ARL15: variants seen among roughly 807,000 people sequenced by gnomAD.
ARL15 encodes ADP-ribosylation factor-like protein 15.
ARL15 carries 19 observed loss-of-function variants against 25.2 expected under a neutral mutation model. The ratio of observed to expected loss-of-function variants is 0.75; its 90% CI spans 0.53 to 1.10. The LOEUF is 1.10. Ranked by LOEUF, ARL15 falls within the 50% of genes least tolerant of loss-of-function variation. The pLI is 0.00. For missense variants in ARL15, 220 were observed against 246.0 expected, an observed-to-expected ratio of 0.89 and a Z score of 0.71; for synonymous variants, 94 against 86.8, an observed-to-expected ratio of 1.08 and a Z score of -0.46.
chr5:54,023,533 G>GA (rs35518622), intron 4 of ARL15, among the ~76,000 whole-genome samples: 16 of 147,486 alleles, frequency 1.1e-4, no homozygotes, highest in African/African-American at 3.0e-4. Context: ...CTACACATGT[G>GA]AAAAAAAAAA....
At chr5:54,156,565 T>A (rs1754239790) in intron 2 of ARL15, among the ~76,000 whole-genome samples, 1 of 152,238 alleles carries the variant, frequency 6.6e-6, no homozygotes, top group Non-Finnish European at 1.5e-5. Context: ...GGTGCTCACT[T>A]ATTAATCTAA....
intron 1 of ARL15, among the ~76,000 whole-genome samples, chr5:54,221,824 T>C (rs1579924873): frequency 1.3e-5 from 1 of 74,682 alleles, no homozygotes; most frequent in South Asian, 3.9e-4. Flanking sequence ...GCAAGAAACA[T>C]GCACACACAC....
chr5:53,917,848 T>A (rs1056363989), intron 4 of ARL15, among the ~76,000 whole-genome samples: 1 of 133,990 alleles, frequency 7.5e-6, no homozygotes. Context: ...TTTTTATGAG[T>A]CTGCCAGGAA....
chr5:54,032,228 T>A (rs1375085003), intron 4 of ARL15, among the ~76,000 whole-genome samples: 1 of 152,050 alleles, frequency 6.6e-6, no homozygotes, highest in Admixed American at 6.6e-5. Flanking sequence ...TGGGTTTTTT[T>A]ATTCTTCTTC....
chr5:54,015,272 A>T (rs752415742), intron 4 of ARL15, among the ~76,000 whole-genome samples: 4 of 149,326 alleles, frequency 2.7e-5, no homozygotes, highest in Admixed American at 2.0e-4. Flanking sequence ...AGCCTAGGTA[A>T]CAATAGCGAA....
intron 4 of ARL15, among the ~76,000 whole-genome samples, chr5:54,034,066 G>C (rs771288762): frequency 2.0e-5 from 3 of 152,198 alleles, no homozygotes; most frequent in African/African-American, 7.2e-5. Flanking sequence ...GCTTGCCTTG[G>C]CCTCCCAAAG....
At chr5:54,267,791 T>C (rs1579966232) in intron 1 of ARL15, among the ~76,000 whole-genome samples, 1 of 152,194 alleles carries the variant, frequency 6.6e-6, no homozygotes, top group Non-Finnish European at 1.5e-5. Flanking sequence ...TGTTGAATAT[T>C]GGCCCCCACT....
At chr5:54,091,485 C>T (rs962687271) in intron 4 of ARL15, among the ~76,000 whole-genome samples, 6 of 152,118 alleles carry the variant, frequency 3.9e-5, no homozygotes, top group Admixed American at 6.5e-5. Context: ...TCCTACAGGG[C>T]ACTGCTCATA....
At chr5:53,909,794 A>T (rs1745394120) in intron 4 of ARL15, among the ~76,000 whole-genome samples, 1 of 152,212 alleles carries the variant, frequency 6.6e-6, no homozygotes, top group Non-Finnish European at 1.5e-5. Context: ...ATAAAACTAC[A>T]CTGTATGCAG....
intron 4 of ARL15, among the ~76,000 whole-genome samples, chr5:53,936,996 A>G (rs1323255958): frequency 6.6e-6 from 1 of 152,236 alleles, no homozygotes; most frequent in Admixed American, 6.5e-5. Flanking sequence ...GGAATGCAGA[A>G]AACACATGCT....
At chr5:54,177,255 G>A (rs576156312) in intron 1 of ARL15, among the ~76,000 whole-genome samples, 24 of 152,308 alleles carry the variant, frequency 1.6e-4, no homozygotes, top group African/African-American at 4.1e-4. Flanking sequence ...AGGAAATGGT[G>A]TGCCTAGGTC....
intron 1 of ARL15, among the ~76,000 whole-genome samples, chr5:54,188,650 A>G (rs958692715): frequency 1.3e-5 from 2 of 152,176 alleles, no homozygotes; most frequent in African/African-American, 2.4e-5. Flanking sequence ...GGAATAAGAC[A>G]TCACCAGAAA....
intron 4 of ARL15, among the ~76,000 whole-genome samples, chr5:53,894,063 A>G (rs1744798424): frequency 6.6e-6 from 1 of 152,234 alleles, no homozygotes; most frequent in African/African-American, 2.4e-5. Flanking sequence ...CTTAACAAGG[A>G]CCTGAAAATG....
intron 1 of ARL15, among the ~76,000 whole-genome samples, chr5:54,195,683 C>T (rs1002836379): frequency 2.6e-5 from 4 of 152,144 alleles, no homozygotes; most frequent in South Asian, 2.1e-4. Context: ...ATGATCAGTG[C>T]TCAATCCTTC....
intron 3 of ARL15, among the ~76,000 whole-genome samples, chr5:54,148,674 C>T (rs1753981189): frequency 6.6e-6 from 1 of 152,156 alleles, no homozygotes; most frequent in Non-Finnish European, 1.5e-5. Flanking sequence ...ATTGCGAAGA[C>T]ACCACTTTCA....
intron 4 of ARL15, among the ~76,000 whole-genome samples, chr5:54,039,625 ACC>A (rs1323655153): frequency 1.3e-5 from 2 of 151,690 alleles, no homozygotes; most frequent in African/African-American, 4.8e-5. Flanking sequence ...ACATGGTGAA[ACC>A]CCTTCTCTAC....
At chr5:54,079,781 C>T (rs141690999) in intron 4 of ARL15, among the ~76,000 whole-genome samples, 5,554 of 152,120 alleles carry the variant, frequency 0.037, 351 homozygotes, top group African/African-American at 0.13. Context: ...ACCAGCCTGG[C>T]CAACATGGTG....
intron 1 of ARL15, among the ~76,000 whole-genome samples, chr5:54,236,407 GACACAC>G (rs72439978): frequency 0.07 from 9,788 of 140,678 alleles, 444 homozygotes; most frequent in Admixed American, 0.16. Flanking sequence ...ACTAAACACA[GACACAC>G]ACACACACAC....
intron 4 of ARL15, chr5:54,075,503 A>G (rs156384): frequency 0.73 from 112,314 of 153,058 alleles, 41,871 homozygotes; most frequent in Non-Finnish European, 0.8. Context: ...TTTTGAGATA[A>G]GGTCTCACTT....
Sources: gnomAD v4.1 joint callset for allele counts (sites outside exome capture counted in the v4.1 genomes callset) on GRCh38, gnomAD v4.1.1 for gene constraint, MANE v1.5 for transcripts, NCBI Gene and HGNC (gene_info 2026-07-23, HGNC 2026-07-21) for gene names.